Variants in SLC24A2 observed in about 807,000 individuals in gnomAD.
The protein encoded by SLC24A2 is solute carrier family 24 member 2, also known as sodium/potassium/calcium exchanger 2.
A neutral mutation model predicts 62.0 loss-of-function variants in SLC24A2; 36 were observed. The observed-to-expected ratio is 0.58, with a 90% confidence interval of 0.44 to 0.77. SLC24A2 has a LOEUF of 0.77. SLC24A2 is among the 30% of genes least tolerant of loss of function. The probability of loss-of-function intolerance (pLI) is 0.00; values close to 1 mark genes in which losing one functional copy is unlikely to be tolerated. For missense variants in SLC24A2, 846 were observed against 817.9 expected, an observed-to-expected ratio of 1.03 and a Z score of -0.42; for synonymous variants, 358 against 294.0, an observed-to-expected ratio of 1.22 and a Z score of -2.23.
the SLC24A2 span, among the ~76,000 whole-genome samples, chr9:20,267,567 A>G: frequency 6.6e-5 from 10 of 152,178 alleles, no homozygotes; most frequent in African/African-American, 2.2e-4. Context: ...CGCTCAGGGA[A>G]GACTCTAAGG....
intron 2 of SLC24A2, among the ~76,000 whole-genome samples, chr9:19,780,097 G>A (rs7022899): frequency 0.46 from 70,051 of 151,582 alleles, 16,555 homozygotes; most frequent in Admixed American, 0.53. Flanking sequence ...CAAACAAACG[G>A]ACAAAAAACA....
chr9:20,076,874 TA>T, the SLC24A2 span, among the ~76,000 whole-genome samples: 1 of 118,756 alleles, frequency 8.4e-6, no homozygotes, highest in Non-Finnish European at 1.8e-5. Context: ...TATATATATA[TA>T]TATATACATA....
At chr9:19,636,310 T>TTTCCTTTCCTTTCCTTTCCC in intron 2 of SLC24A2, among the ~76,000 whole-genome samples, 1 of 34,190 alleles carries the variant, frequency 2.9e-5, no homozygotes, top group African/African-American at 1.3e-4. Context: ...TTTTCTTTTC[T>TTTCCTTTCCTTTCCTTTCCC]TTTCTTTTCT....
intron 2 of SLC24A2, among the ~76,000 whole-genome samples, chr9:19,741,967 G>C (rs986397001): frequency 7.2e-5 from 11 of 152,144 alleles, no homozygotes; most frequent in Non-Finnish European, 1.6e-4. Flanking sequence ...AATGTAGTTA[G>C]TATAGTATGC....
the SLC24A2 span, among the ~76,000 whole-genome samples, chr9:20,243,122 A>AC: frequency 5.9e-5 from 9 of 151,950 alleles, no homozygotes; most frequent in South Asian, 1.9e-3. Flanking sequence ...CTCCACACCC[A>AC]CCCCCCATAT....
chr9:19,901,983 C>T, the SLC24A2 span, among the ~76,000 whole-genome samples: 2 of 152,158 alleles, frequency 1.3e-5, no homozygotes, highest in East Asian at 1.9e-4. Context: ...TGGGCTGCCA[C>T]AGAACAAGAA....
the SLC24A2 span, among the ~76,000 whole-genome samples, chr9:19,934,896 G>A: frequency 6.6e-6 from 1 of 152,080 alleles, no homozygotes; most frequent in African/African-American, 2.4e-5. This position sits in a 1 kb window ranked among gnomAD's most constrained non-coding sequence, Gnocchi z 4.1. Context: ...TTAAATTGGA[G>A]TTTTGGAGGC....
chr9:19,791,207 A>G (rs1267811753), upstream of SLC24A2, among the ~76,000 whole-genome samples: 2 of 152,210 alleles, frequency 1.3e-5, no homozygotes, highest in African/African-American at 2.4e-5. Flanking sequence ...CATGGCTACA[A>G]AATGGTTTAT....
chr9:20,046,528 A>AT, the SLC24A2 span, among the ~76,000 whole-genome samples: 2 of 152,032 alleles, frequency 1.3e-5, no homozygotes, highest in East Asian at 1.9e-4. Flanking sequence ...TAAAAACAAC[A>AT]TTTTTTTCTG....
the SLC24A2 span, among the ~76,000 whole-genome samples, chr9:19,849,031 A>G: frequency 8.8e-4 from 134 of 152,330 alleles, no homozygotes; most frequent in African/African-American, 3.1e-3. Flanking sequence ...CATGTAAAGA[A>G]ACAACTGCAT....
At chr9:20,119,241 G>A in the SLC24A2 span, among the ~76,000 whole-genome samples, 2 of 152,026 alleles carry the variant, frequency 1.3e-5, no homozygotes, top group African/African-American at 2.4e-5. Flanking sequence ...GTAGCCTTGT[G>A]AGACTCTAAG....
chr9:19,801,337 G>C, the SLC24A2 span, among the ~76,000 whole-genome samples: 1 of 152,232 alleles, frequency 6.6e-6, no homozygotes, highest in African/African-American at 2.4e-5. Context: ...ACTGGGAGTG[G>C]CAGTGGGTGC....
At chr9:20,050,232 C>T in the SLC24A2 span, among the ~76,000 whole-genome samples, 2 of 131,580 alleles carry the variant, frequency 1.5e-5, no homozygotes, top group African/African-American at 2.9e-5. Context: ...GGTGAAACCC[C>T]GTCTCTACAA....
At position 19,550,275 on chromosome 9, in the gene SLC24A2, T is replaced by G. The variant is rs758831893; in HGVS notation, c.1348-7A>C. On this transcript the variant is annotated splice_polypyrimidine_tract_variant and splice_region_variant and intron_variant, in intron 7 of 10. Transcript: ENST00000341998. ...CCTCCTCCTCATCAGCGGTCTGTGGTAGAAAAAGAGGTAAAATTAAACAAA... is the reference window on the plus strand; with the variant it reads ...CCTCCTCCTCATCAGCGGTCTGTGGGAGAAAAAGAGGTAAAATTAAACAAA... The G allele has an allele frequency of 3.1e-6, 5 of 1,613,542 alleles. No individual in the cohort carries two copies. In the African/African-American group the frequency reaches 5.3e-5, roughly 17 times the overall value.
chr9:19,654,048 T>C (rs1171355600), intron 2 of SLC24A2, among the ~76,000 whole-genome samples: 1 of 152,178 alleles, frequency 6.6e-6, no homozygotes, highest in Non-Finnish European at 1.5e-5. Flanking sequence ...AACATTTCCA[T>C]CACTTCAAAG....
At chr9:20,154,076 A>C in the SLC24A2 span, among the ~76,000 whole-genome samples, 1 of 151,856 alleles carries the variant, frequency 6.6e-6, no homozygotes, top group Non-Finnish European at 1.5e-5. Context: ...AGTCTAGTGT[A>C]TATGGTTACT....
intron 2 of SLC24A2, among the ~76,000 whole-genome samples, chr9:19,661,268 A>G (rs930123100): frequency 6.6e-6 from 1 of 151,502 alleles, no homozygotes; most frequent in Non-Finnish European, 1.5e-5. Flanking sequence ...TTCCCATATT[A>G]ACATATTTTT....
chr9:20,041,896 G>T, the SLC24A2 span, among the ~76,000 whole-genome samples: 1 of 152,274 alleles, frequency 6.6e-6, no homozygotes, highest in Admixed American at 6.5e-5. Context: ...AATCCCAGAA[G>T]CACTTGACAG....
At chr9:19,764,129 G>A (rs1331035159) in intron 2 of SLC24A2, among the ~76,000 whole-genome samples, 2 of 152,192 alleles carry the variant, frequency 1.3e-5, no homozygotes, top group African/African-American at 4.8e-5. Flanking sequence ...TTGGATGGTA[G>A]TTTGTATTTC....
Sources: gnomAD v4.1 joint callset for allele counts (sites outside exome capture counted in the v4.1 genomes callset) on GRCh38, gnomAD v4.1.1 for gene constraint, Gnocchi (gnomAD v3.1) non-coding constraint, MANE v1.5 for transcripts, NCBI Gene and HGNC (gene_info 2026-07-23, HGNC 2026-07-21) for gene names.